Variants in GRM1 observed in about 807,000 individuals in gnomAD.
GRM1 encodes the protein glutamate metabotropic receptor 1.
GRM1 carries 33 observed loss-of-function variants against 90.9 expected under a neutral mutation model. The ratio of observed to expected loss-of-function variants is 0.36; its 90% CI spans 0.28 to 0.49. GRM1 has a LOEUF of 0.49. Ranked by LOEUF, GRM1 falls within the 20% of genes least tolerant of loss-of-function variation. GRM1 has a pLI of 0.99. For synonymous variants in GRM1, 700 were observed against 613.2 expected (o/e 1.14, Z -2.09); for missense variants, 1,190 against 1,534.3 (o/e 0.78, Z 3.75).
At chr6:146,244,781 G>A (rs1780997183) in intron 2 of GRM1, among the ~76,000 whole-genome samples, 1 of 152,154 alleles carries the variant, frequency 6.6e-6, no homozygotes, top group Non-Finnish European at 1.5e-5. Context: ...ACCCCTAATA[G>A]TCCTGATTAG....
intron 7 of GRM1, among the ~76,000 whole-genome samples, chr6:146,411,468 T>C (rs529474504): frequency 6.6e-6 from 1 of 152,286 alleles, no homozygotes; most frequent in African/African-American, 2.4e-5. Context: ...AGAGGAAGCC[T>C]TATGAGCTTG....
chr6:146,055,306 A>G (rs535744144), intron 1 of GRM1, among the ~76,000 whole-genome samples: 104 of 152,228 alleles, frequency 6.8e-4, no homozygotes, highest in Non-Finnish European at 1.3e-3. Flanking sequence ...CTGTGGCCCA[A>G]CCTCTAGCAT....
intron 6 of GRM1, among the ~76,000 whole-genome samples, chr6:146,394,082 C>T (rs1316184098): frequency 6.6e-6 from 1 of 152,100 alleles, no homozygotes; most frequent in Non-Finnish European, 1.5e-5. Context: ...TGAAACTGAA[C>T]CTCTTCCTTA....
At chr6:146,034,848 C>G (rs931270336) in intron 1 of GRM1, among the ~76,000 whole-genome samples, 1 of 151,884 alleles carries the variant, frequency 6.6e-6, no homozygotes, top group Non-Finnish European at 1.5e-5. Context: ...CAACAGATGA[C>G]TTTAAGTAAA....
At position 146,101,290 on chromosome 6, in the gene GRM1, C is replaced by T. The variant is rs114996473; in HGVS notation, c.701-58058C>T. ...TTTTGATACTGCTATATAAACCCAC[C>T]TTTGTCATTGATCATAGCTCATCAA... On this transcript the variant is annotated intron_variant, in intron 1 of 7. Coordinates refer to ENST00000282753, the MANE Select transcript of GRM1 (RefSeq NM_001278064.2). Among the ~76,000 whole-genome samples the T allele has an allele frequency of 6.7e-3, 1,017 of 152,252 alleles. 14 individuals are homozygous for T. The highest frequency in any genetic ancestry group is 0.023 in the African/African-American group (940 of 41,524).
chr6:146,273,327 C>T (rs1782237707), intron 2 of GRM1, among the ~76,000 whole-genome samples: 1 of 152,116 alleles, frequency 6.6e-6, no homozygotes. Flanking sequence ...GATGTGAGGC[C>T]TGCTCTGGGA....
intron 3 of GRM1, among the ~76,000 whole-genome samples, chr6:146,318,742 C>T (rs1027203072): frequency 2.0e-5 from 3 of 152,208 alleles, no homozygotes; most frequent in Non-Finnish European, 2.9e-5. Flanking sequence ...ATTTGCATTT[C>T]TCTAGTGGCC....
intron 2 of GRM1, among the ~76,000 whole-genome samples, chr6:146,219,801 G>GA (rs1779995015): frequency 1.3e-5 from 2 of 152,092 alleles, no homozygotes; most frequent in Non-Finnish European, 2.9e-5. Flanking sequence ...CTTTCTTTGG[G>GA]GAAGAATAAA....
intron 6 of GRM1, among the ~76,000 whole-genome samples, chr6:146,393,915 A>AT (rs1245615383): frequency 2.6e-5 from 4 of 152,122 alleles, no homozygotes; most frequent in African/African-American, 9.7e-5. Context: ...TACCAAGCAG[A>AT]TATATAGACC....
At chr6:146,070,207 G>A (rs1409670963) in intron 1 of GRM1, among the ~76,000 whole-genome samples, 1 of 151,618 alleles carries the variant, frequency 6.6e-6, no homozygotes, top group African/African-American at 2.4e-5. Flanking sequence ...GCTCAGTGGT[G>A]GTCACCAACT....
intron 5 of GRM1, among the ~76,000 whole-genome samples, chr6:146,383,400 A>G (rs1776389724): frequency 6.6e-6 from 1 of 152,302 alleles, no homozygotes; most frequent in East Asian, 1.9e-4. Context: ...GTGACATACA[A>G]TAATTCATGA....
At chr6:146,387,214 C>G (rs1364797561) in intron 6 of GRM1, among the ~76,000 whole-genome samples, 198 bp downstream of exon 6, 1 of 152,096 alleles carries the variant, frequency 6.6e-6, no homozygotes, top group Non-Finnish European at 1.5e-5. Context: ...TCATGTAAAT[C>G]TAAATAACAA....
intron 2 of GRM1, among the ~76,000 whole-genome samples, chr6:146,280,376 T>C (rs973529899): frequency 3.3e-5 from 5 of 152,206 alleles, no homozygotes; most frequent in African/African-American, 1.2e-4. Context: ...ACTTAACACA[T>C]GATGACTATG....
At chr6:146,225,231 G>A (rs1265089842) in intron 2 of GRM1, among the ~76,000 whole-genome samples, 3 of 152,100 alleles carry the variant, frequency 2.0e-5, no homozygotes, top group Non-Finnish European at 4.4e-5. Context: ...GACAGCTCCA[G>A]CTTTTTACCT....
chr6:146,371,172 T>C (rs1385066960), intron 5 of GRM1, among the ~76,000 whole-genome samples: 27 of 152,188 alleles, frequency 1.8e-4, no homozygotes. Context: ...GAGGAACTCA[T>C]AGTGTAACTG....
intron 1 of GRM1, among the ~76,000 whole-genome samples, chr6:146,120,716 T>C (rs1290337737): frequency 6.6e-6 from 1 of 152,192 alleles, no homozygotes; most frequent in East Asian, 1.9e-4. Context: ...TTGTCTTTGG[T>C]TCTATTTATA....
intron 7 of GRM1, among the ~76,000 whole-genome samples, chr6:146,432,994 C>G (rs1312023570): frequency 6.6e-6 from 1 of 152,184 alleles, no homozygotes; most frequent in Non-Finnish European, 1.5e-5. Flanking sequence ...AGGTTTTCGT[C>G]TCAGTAACTG....
At chr6:146,070,842 A>T (rs974495903) in intron 1 of GRM1, among the ~76,000 whole-genome samples, 1 of 152,174 alleles carries the variant, frequency 6.6e-6, no homozygotes, top group Admixed American at 6.5e-5. Context: ...TTACAATAAA[A>T]ATATTAGTTG....
rs559439227 is a variant in GRM1, at chr6:146,119,661, T to C, written c.701-39687T>C. On this transcript the variant is annotated intron_variant, in intron 1 of 7. Transcript: ENST00000282753. ...TCCAGTTTCAGCTTTCTACATATGA[T>C]TAGCCAGTTTTCCCAGCACCATTTA... 1.1e-4 allele frequency among the ~76,000 whole-genome samples: 16 copies of C among 152,268 alleles called. No individual in the cohort carries two copies. In the South Asian group the frequency reaches 1.7e-3, roughly 16 times the overall value.
Sources: allele counts gnomAD v4.1 joint callset (sites outside exome capture counted in the v4.1 genomes callset), GRCh38; gene constraint gnomAD v4.1.1; transcripts MANE v1.5; gene names NCBI Gene and HGNC (gene_info 2026-07-23, HGNC 2026-07-21).